PPIG: variants seen among roughly 807,000 people sequenced by gnomAD.
The protein encoded by PPIG is peptidyl-prolyl cis-trans isomerase G.
Under a neutral mutation model 87.9 loss-of-function variants are expected in PPIG, and 26 were observed. The ratio of observed to expected loss-of-function variants is 0.30; its 90% CI spans 0.22 to 0.41. PPIG has a LOEUF of 0.41. Among genes scored for constraint, PPIG ranks in the 10% least tolerant of loss-of-function variants. PPIG has a pLI of 1.00. For synonymous variants in PPIG, 308 were observed against 276.5 expected, an observed-to-expected ratio of 1.11 and a Z score of -1.13; for missense variants, 722 against 879.4, an observed-to-expected ratio of 0.82 and a Z score of 2.26.
intron 7 of PPIG, among the ~76,000 whole-genome samples, chr2:169,613,665 A>G (rs183820679): frequency 9.8e-5 from 15 of 152,320 alleles, no homozygotes; most frequent in Admixed American, 9.2e-4. Flanking sequence ...GCAATGACTC[A>G]TACTTGTAAT....
Position 169,637,474 on chromosome 2 carries a change from A to T in PPIG, c.2216A>T (p.Lys739Ile). The part of the protein sequence containing the change: ...ENDHVHEKNK[K>I]FDHESSPGTD... ...GACCATGTACATGAAAAAAATAAAA[A>T]ATTTGATCATGAATCAAGCCCTGGA... is the stretch of plus-strand genomic sequence containing the variant. Residue 739 changes from lysine to isoleucine, a missense_variant, in exon 14 of 14, where the codon AAA (lysine) becomes ATA (isoleucine). Lys to Ile is a moderately radical substitution (Grantham distance 102). This residue lies in a region of PPIG where 476 missense variants were observed against 483.1 expected (regional missense o/e 0.99). Transcript: ENST00000260970. 6.2e-7 allele frequency: 1 copy of T among 1,603,596 alleles called. No homozygotes were observed. The highest frequency in any genetic ancestry group is 8.5e-7 in the Non-Finnish European group (1 of 1,177,792).
chr2:169,608,322 C>T (rs1321928631), intron 6 of PPIG, among the ~76,000 whole-genome samples: 1 of 151,944 alleles, frequency 6.6e-6, no homozygotes, highest in South Asian at 2.1e-4. Flanking sequence ...AATGCCGTCT[C>T]TACTAAAAAT....
intron 7 of PPIG, among the ~76,000 whole-genome samples, chr2:169,614,163 G>C (rs1685558205): frequency 1.3e-5 from 2 of 152,170 alleles, no homozygotes; most frequent in South Asian, 4.1e-4. Flanking sequence ...GAACTCAAGT[G>C]CAAGAAACAT....
At position 169,604,175 on chromosome 2, in the gene PPIG, C is replaced by G. The variant is rs776971044; in HGVS notation, c.62-12C>G. 4 of 1,612,774 alleles carry G rather than the reference C, an allele frequency of 2.5e-6. No individual in the cohort carries two copies. The Admixed American group carries it at 6.7e-5, about 27-fold the overall frequency. ...TTAGTAAAGAAGTTTAACCAACTAC[C>G]TTCTTTTTCAGCTGGAAGAGTTGTC... On this transcript the variant is annotated splice_polypyrimidine_tract_variant and intron_variant, in intron 3 of 13. Transcript: ENST00000260970.
intron 9 of PPIG, among the ~76,000 whole-genome samples, chr2:169,627,704 CTTTT>C (rs777197172): frequency 1.9e-4 from 19 of 101,910 alleles, no homozygotes; most frequent in African/African-American, 4.9e-4. Context: ...AGTGGGCTTG[CTTTT>C]TTTTTTTTTT....
intron 6 of PPIG, among the ~76,000 whole-genome samples, chr2:169,608,443 T>C (rs1685392661): frequency 2.0e-5 from 3 of 151,070 alleles, no homozygotes; most frequent in Admixed American, 1.3e-4. Flanking sequence ...TGAGCCGAGA[T>C]TGGGCCACTG....
intron 9 of PPIG, among the ~76,000 whole-genome samples, chr2:169,616,879 T>C (rs1197071201): frequency 1.3e-5 from 2 of 152,230 alleles, no homozygotes; most frequent in African/African-American, 4.8e-5. Flanking sequence ...ATTTTGGCTT[T>C]TGTTGCCATT....
At chr2:169,634,513 A>T (rs1027375798) in intron 12 of PPIG, among the ~76,000 whole-genome samples, 77 of 152,262 alleles carry the variant, frequency 5.1e-4, no homozygotes, top group African/African-American at 1.8e-3. Flanking sequence ...TCATTTGACT[A>T]ATGAGTACCT....
intron 4 of PPIG, among the ~76,000 whole-genome samples, chr2:169,605,655 C>T (rs1446903610): frequency 2.0e-5 from 3 of 151,016 alleles, no homozygotes; most frequent in South Asian, 4.2e-4. Flanking sequence ...AAAAATTAGC[C>T]GGGTGTGGTG....
chr2:169,621,734 AT>A (rs34145095), intron 9 of PPIG, among the ~76,000 whole-genome samples: 258 of 144,532 alleles, frequency 1.8e-3, no homozygotes, highest in East Asian at 2.6e-3. Flanking sequence ...TTGACAACTA[AT>A]TTTTTTTTTT....
chr2:169,587,526 C>T lies in PPIG; in HGVS notation c.-70+3036C>T, dbSNP rs190588902. Among the ~76,000 whole-genome samples, 149 of 152,310 alleles carry T rather than the reference C, an allele frequency of 9.8e-4. 1 individual carries two copies. Among genetic ancestry groups the T allele is most frequent in the African/African-American group, 3.5e-3 (145 of 41,566 alleles). On this transcript the variant is annotated intron_variant, in intron 1 of 13. Transcript: ENST00000260970. ...AAGTGCTAGTATTACAGGCGTGAGC[C>T]ACCGTGCCCAGACCTTTTTGCTTTT...
At chr2:169,628,244 A>G (rs556428682) in intron 9 of PPIG, among the ~76,000 whole-genome samples, 1 of 152,292 alleles carries the variant, frequency 6.6e-6, no homozygotes, top group South Asian at 2.1e-4. Context: ...CAGCTTGCGT[A>G]TATCCCAAAC....
At chr2:169,631,276 G>A (rs1414100907) in intron 10 of PPIG, among the ~76,000 whole-genome samples, 3 of 152,128 alleles carry the variant, frequency 2.0e-5, no homozygotes, top group Non-Finnish European at 4.4e-5. Context: ...GAAAATTGCA[G>A]AAAACCACCA....
At chr2:169,613,945 C>CA (rs565876095) in intron 7 of PPIG, among the ~76,000 whole-genome samples, 7 of 151,892 alleles carry the variant, frequency 4.6e-5, no homozygotes, top group African/African-American at 1.2e-4. Flanking sequence ...AAAATAAAAA[C>CA]AAAAAAAACT....
chr2:169,619,439 C>T (rs1209405959), intron 9 of PPIG, among the ~76,000 whole-genome samples: 1 of 152,132 alleles, frequency 6.6e-6, no homozygotes, highest in African/African-American at 2.4e-5. Flanking sequence ...AATTTTCTGT[C>T]TCATTGATCT....
chr2:169,584,718 C>G (rs1233403344), intron 1 of PPIG: 1 of 317,618 alleles, frequency 3.1e-6, no homozygotes, highest in Non-Finnish European at 6.0e-6. Context: ...AGTCGAGCCC[C>G]GGGGCCTGGG....
intron 4 of PPIG, among the ~76,000 whole-genome samples, chr2:169,604,524 C>T (rs893524294): frequency 1.3e-5 from 2 of 151,858 alleles, no homozygotes; most frequent in East Asian, 1.9e-4. Context: ...TATTACTTTT[C>T]TCTTAACATG....
At chr2:169,587,272 C>G (rs377328366) in intron 1 of PPIG, among the ~76,000 whole-genome samples, 1 of 146,248 alleles carries the variant, frequency 6.8e-6, no homozygotes, top group South Asian at 2.2e-4. Flanking sequence ...GACAGAGTCT[C>G]GCTGTCTTGC....
intron 12 of PPIG, among the ~76,000 whole-genome samples, chr2:169,633,835 C>T (rs545348901): frequency 6.8e-6 from 1 of 146,708 alleles, no homozygotes; most frequent in African/African-American, 2.5e-5. Flanking sequence ...TCCACCCCCC[C>T]CTTTTTTTTT....
Sources: allele counts gnomAD v4.1 joint callset (sites outside exome capture counted in the v4.1 genomes callset), GRCh38; gene constraint gnomAD v4.1.1; regional missense constraint gnomAD v4.1.1; transcripts MANE v1.5; gene names NCBI Gene and HGNC (gene_info 2026-07-23, HGNC 2026-07-21).